The following KCNJ3 variants were observed in gnomAD, a reference collection of about 807,000 sequenced individuals.
KCNJ3 encodes G protein-activated inward rectifier potassium channel 1.
A neutral mutation model predicts 39.2 loss-of-function variants in KCNJ3; 4 were observed. The observed-to-expected ratio is 0.10, with a 90% CI of 0.05 to 0.23. The LOEUF (loss-of-function observed/expected upper bound fraction) is 0.23. KCNJ3 is among the 10% of genes least tolerant of loss of function. The probability of loss-of-function intolerance (pLI) is 1.00; values close to 1 mark genes in which losing one functional copy is unlikely to be tolerated. For missense variants in KCNJ3, 276 were observed against 634.9 expected, an observed-to-expected ratio of 0.43 and a Z score of 6.08; for synonymous variants, 230 against 237.4, an observed-to-expected ratio of 0.97 and a Z score of 0.29.
intron 1 of KCNJ3, among the ~76,000 whole-genome samples, chr2:154,708,042 CT>C (rs1413872191): frequency 6.6e-6 from 1 of 152,112 alleles, no homozygotes; most frequent in African/African-American, 2.4e-5. Context: ...GCTAGAGCTG[CT>C]GTTTTAATTT....
chr2:154,761,548 T>C (rs1403026049), intron 2 of KCNJ3, among the ~76,000 whole-genome samples: 1 of 152,230 alleles, frequency 6.6e-6, no homozygotes, highest in Non-Finnish European at 1.5e-5. Context: ...AACTATCAAC[T>C]TCATAATTTT....
At chr2:154,799,967 A>G (rs1419741584) in intron 2 of KCNJ3, among the ~76,000 whole-genome samples, 1 of 152,154 alleles carries the variant, frequency 6.6e-6, no homozygotes, top group Non-Finnish European at 1.5e-5. Flanking sequence ...ATCTAGCTGG[A>G]GAGTGGGTTG....
At chr2:154,846,896 C>CT (rs1340602768) in intron 2 of KCNJ3, among the ~76,000 whole-genome samples, 1 of 152,056 alleles carries the variant, frequency 6.6e-6, no homozygotes, top group Admixed American at 6.6e-5. Flanking sequence ...GGCTTTTCTT[C>CT]TTTTTTTATT....
chr2:154,828,172 G>T (rs573854757), intron 2 of KCNJ3, among the ~76,000 whole-genome samples: 27 of 152,170 alleles, frequency 1.8e-4, no homozygotes, highest in African/African-American at 6.3e-4. Flanking sequence ...ACCTATTATT[G>T]TCAACATTTA....
intron 2 of KCNJ3, among the ~76,000 whole-genome samples, chr2:154,712,875 G>C (rs1685123937): frequency 6.6e-6 from 1 of 152,086 alleles, no homozygotes; most frequent in Non-Finnish European, 1.5e-5. Flanking sequence ...GGTCTGAAGA[G>C]GGGACACTCA....
At chr2:154,743,121 C>G (rs1225001597) in intron 2 of KCNJ3, among the ~76,000 whole-genome samples, 1 of 151,796 alleles carries the variant, frequency 6.6e-6, no homozygotes, top group East Asian at 1.9e-4. Context: ...GTAGCAAAGA[C>G]TGTCCTTTCC....
At chr2:154,708,198 C>T (rs1042341283) in intron 1 of KCNJ3, among the ~76,000 whole-genome samples, 3 of 151,988 alleles carry the variant, frequency 2.0e-5, no homozygotes, top group African/African-American at 7.2e-5. Context: ...AAATAATATC[C>T]GTGAATATTT....
chr2:154,824,318 AGAGT>A (rs1377789540), intron 2 of KCNJ3, among the ~76,000 whole-genome samples: 41 of 152,358 alleles, frequency 2.7e-4, no homozygotes, highest in Middle Eastern at 3.4e-3. Flanking sequence ...TCTGGATGAC[AGAGT>A]GAGATCTCAT....
At chr2:154,791,904 G>A (rs1686640775) in intron 2 of KCNJ3, among the ~76,000 whole-genome samples, 1 of 151,994 alleles carries the variant, frequency 6.6e-6, no homozygotes, top group Non-Finnish European at 1.5e-5. Flanking sequence ...TTTGTATAAG[G>A]CCCAGAGATT....
intron 2 of KCNJ3, among the ~76,000 whole-genome samples, chr2:154,726,763 T>TAC (rs71837806): frequency 5.5e-4 from 81 of 145,988 alleles, no homozygotes; most frequent in Admixed American, 1.6e-3. Context: ...TATATATATA[T>TAC]ACACACACAC....
chr2:154,835,402 T>A (rs1010538247), intron 2 of KCNJ3, among the ~76,000 whole-genome samples: 5 of 150,256 alleles, frequency 3.3e-5, no homozygotes, highest in African/African-American at 2.4e-5. Context: ...AGCAAAGGGA[T>A]GTTAAAATTT....
intron 1 of KCNJ3, among the ~76,000 whole-genome samples, chr2:154,703,012 A>G (rs1684932787): frequency 6.6e-6 from 1 of 151,924 alleles, no homozygotes; most frequent in South Asian, 2.1e-4. Context: ...GTAATGTTGA[A>G]CCCTATAGTT....
chr2:154,850,532 A>AACAT (rs1298938750), intron 2 of KCNJ3, among the ~76,000 whole-genome samples: 1 of 152,174 alleles, frequency 6.6e-6, no homozygotes. Context: ...CAGATTGGCA[A>AACAT]ACATAGACAT....
At chr2:154,832,072 C>CA (rs997088968) in intron 2 of KCNJ3, among the ~76,000 whole-genome samples, 3 of 152,046 alleles carry the variant, frequency 2.0e-5, no homozygotes, top group Non-Finnish European at 4.4e-5. Flanking sequence ...TTAGAATTAA[C>CA]AGAGTGAGAA....
chr2:154,823,961 T>C (rs1687226146), intron 2 of KCNJ3, among the ~76,000 whole-genome samples: 1 of 152,206 alleles, frequency 6.6e-6, no homozygotes, highest in African/African-American at 2.4e-5. Flanking sequence ...TTCCTTGAAG[T>C]AAAACTTATT....
At chr2:154,841,209 T>A (rs1340422595) in intron 2 of KCNJ3, among the ~76,000 whole-genome samples, 1 of 152,196 alleles carries the variant, frequency 6.6e-6, no homozygotes, top group Non-Finnish European at 1.5e-5. Context: ...TTTTTGTCAT[T>A]GGTTCTGTTT....
At chr2:154,852,358 T>C (rs766240654) in intron 2 of KCNJ3, among the ~76,000 whole-genome samples, 5 of 152,168 alleles carry the variant, frequency 3.3e-5, no homozygotes, top group Non-Finnish European at 5.9e-5. Context: ...ATGGTGCCAC[T>C]GCACCGCAGC....
chr2:154,836,924 C>G (rs1057305652), intron 2 of KCNJ3, among the ~76,000 whole-genome samples: 22 of 152,000 alleles, frequency 1.4e-4, no homozygotes, highest in African/African-American at 4.8e-4. Flanking sequence ...ATGTGGCAGC[C>G]TATGTAAAGA....
intron 2 of KCNJ3, among the ~76,000 whole-genome samples, chr2:154,787,455 C>T (rs114006789): frequency 0.026 from 3,904 of 152,212 alleles, 135 homozygotes; most frequent in African/African-American, 0.079. Flanking sequence ...CTCTTTTTCC[C>T]TCCTCCTCCA....
Sources: allele counts gnomAD v4.1 joint callset (sites outside exome capture counted in the v4.1 genomes callset), GRCh38; gene constraint gnomAD v4.1.1; transcripts MANE v1.5; gene names NCBI Gene and HGNC (gene_info 2026-07-23, HGNC 2026-07-21).